The following DENND1A variants were observed in gnomAD, a reference collection of about 807,000 sequenced individuals.
The protein encoded by DENND1A is DENN domain-containing protein 1A.
DENND1A carries 51 observed loss-of-function variants against 113.7 expected under a neutral mutation model. The ratio of observed to expected loss-of-function variants is 0.45; its 90% CI spans 0.36 to 0.57. The LOEUF (loss-of-function observed/expected upper bound fraction) is 0.57. DENND1A is among the 20% of genes least tolerant of loss of function. DENND1A has a pLI of 0.00. For synonymous variants in DENND1A, 565 were observed against 570.8 expected (o/e 0.99, Z 0.14); for missense variants, 1,258 against 1,395.9 (o/e 0.90, Z 1.57).
At chr9:123,702,499 A>G (rs1307713328) in intron 5 of DENND1A, among the ~76,000 whole-genome samples, 2 of 152,208 alleles carry the variant, frequency 1.3e-5, no homozygotes, top group African/African-American at 4.8e-5. Context: ...GACTACCCCA[A>G]GATAGAATCT....
chr9:123,479,451 C>G (rs1369476501), intron 13 of DENND1A, among the ~76,000 whole-genome samples: 1 of 152,230 alleles, frequency 6.6e-6, no homozygotes, highest in East Asian at 1.9e-4. Context: ...AACCTTTCGG[C>G]TTTTCAGGTG....
At chr9:123,793,621 T>A (rs1488545630) in intron 2 of DENND1A, among the ~76,000 whole-genome samples, 2 of 152,124 alleles carry the variant, frequency 1.3e-5, no homozygotes, top group Admixed American at 6.5e-5. Flanking sequence ...ATGGCTACCT[T>A]TAAACACCAT....
chr9:123,776,195 A>G (rs1454255956), intron 3 of DENND1A, among the ~76,000 whole-genome samples: 1 of 152,176 alleles, frequency 6.6e-6, no homozygotes, highest in Non-Finnish European at 1.5e-5. Flanking sequence ...ATTAAGCCCT[A>G]ACACATACTT....
chr9:123,624,136 A>G (rs1048285319), intron 10 of DENND1A, among the ~76,000 whole-genome samples: 3 of 152,216 alleles, frequency 2.0e-5, no homozygotes, highest in African/African-American at 7.2e-5. Context: ...AGGAGATAAT[A>G]GTTTTCAGAT....
chr9:123,577,665 T>C (rs945953259), intron 12 of DENND1A, among the ~76,000 whole-genome samples: 1 of 150,806 alleles, frequency 6.6e-6, no homozygotes, highest in Non-Finnish European at 1.5e-5. Flanking sequence ...TTTAAAGACT[T>C]CTTTAAAAAG....
intron 21 of DENND1A, among the ~76,000 whole-genome samples, chr9:123,391,586 G>T (rs111352333): frequency 6.6e-6 from 1 of 152,076 alleles, no homozygotes; most frequent in South Asian, 2.1e-4. Flanking sequence ...CGAAATAAGA[G>T]ATAGGGTGTT....
chr9:123,858,661 G>C (rs780837460), intron 2 of DENND1A, among the ~76,000 whole-genome samples: 1 of 152,086 alleles, frequency 6.6e-6, no homozygotes, highest in Non-Finnish European at 1.5e-5. Flanking sequence ...AAACAGCTAC[G>C]GACAGAGAGC....
intron 12 of DENND1A, among the ~76,000 whole-genome samples, chr9:123,558,062 T>C (rs1018531538): frequency 2.6e-5 from 4 of 152,198 alleles, no homozygotes; most frequent in Non-Finnish European, 5.9e-5. Flanking sequence ...TATTAGAACA[T>C]GTCTAATAAA....
intron 2 of DENND1A, among the ~76,000 whole-genome samples, chr9:123,799,231 G>A (rs1398237527): frequency 6.6e-6 from 1 of 152,144 alleles, no homozygotes; most frequent in Non-Finnish European, 1.5e-5. Flanking sequence ...GCATTTTAGA[G>A]AAATTTTCTG....
chr9:123,913,094 A>T (rs1854336477), intron 1 of DENND1A, among the ~76,000 whole-genome samples: 1 of 150,130 alleles, frequency 6.7e-6, no homozygotes. Flanking sequence ...TGTCAGAGAA[A>T]GCCAGACCAA....
chr9:123,852,777 C>T (rs977612476), intron 2 of DENND1A, among the ~76,000 whole-genome samples: 2 of 152,150 alleles, frequency 1.3e-5, no homozygotes, highest in Non-Finnish European at 2.9e-5. Context: ...CCTGAAAACA[C>T]CACCCTATAA....
At chr9:123,904,733 T>C (rs911447042) in intron 1 of DENND1A, among the ~76,000 whole-genome samples, 17 of 151,542 alleles carry the variant, frequency 1.1e-4, no homozygotes, top group African/African-American at 2.9e-4. Flanking sequence ...CTACGCCTGA[T>C]TGGTGTACCT....
intron 2 of DENND1A, among the ~76,000 whole-genome samples, chr9:123,844,156 A>G (rs1345675683): frequency 6.6e-6 from 1 of 152,194 alleles, no homozygotes; most frequent in African/African-American, 2.4e-5. Flanking sequence ...TAAGATGCGG[A>G]TGAAGAAAAG....
chr9:123,848,588 T>C (rs2133103556), intron 2 of DENND1A, among the ~76,000 whole-genome samples: 1 of 152,250 alleles, frequency 6.6e-6, no homozygotes, highest in South Asian at 2.1e-4. Flanking sequence ...CACCCTACAA[T>C]GGCCTCTGAG....
intron 11 of DENND1A, among the ~76,000 whole-genome samples, chr9:123,606,870 A>G (rs2060177225): frequency 6.6e-6 from 1 of 152,268 alleles, no homozygotes; most frequent in Non-Finnish European, 1.5e-5. Context: ...TCAGAGCAAG[A>G]GGCACCATAA....
At chr9:123,845,030 C>A (rs1157493320) in intron 2 of DENND1A, among the ~76,000 whole-genome samples, 2 of 152,096 alleles carry the variant, frequency 1.3e-5, no homozygotes. Flanking sequence ...ACCAGGCTGG[C>A]CAACATGGCG....
chr9:123,609,099 T>A (rs935428584), intron 11 of DENND1A, among the ~76,000 whole-genome samples: 1 of 152,236 alleles, frequency 6.6e-6, no homozygotes, highest in Non-Finnish European at 1.5e-5. Context: ...CAATGAAGAA[T>A]GCAATATTGC....
intron 13 of DENND1A, among the ~76,000 whole-genome samples, chr9:123,516,477 T>C (rs2053922363): frequency 6.6e-6 from 1 of 152,062 alleles, no homozygotes; most frequent in Non-Finnish European, 1.5e-5. Context: ...TCACTAGTAA[T>C]CAAGGAAACA....
chr9:123,615,688 G>T (rs559273974), intron 10 of DENND1A, among the ~76,000 whole-genome samples: 1 of 152,204 alleles, frequency 6.6e-6, no homozygotes, highest in Admixed American at 6.5e-5. Context: ...TCTTGGTAGG[G>T]GCTTTTGTCC....
Sources: gnomAD v4.1 joint callset for allele counts (sites outside exome capture counted in the v4.1 genomes callset) on GRCh38, gnomAD v4.1.1 for gene constraint, MANE v1.5 for transcripts, NCBI Gene and HGNC (gene_info 2026-07-23, HGNC 2026-07-21) for gene names.